The following AP2S1 variants were observed in gnomAD, a reference collection of about 807,000 sequenced individuals.
AP2S1 encodes the protein AP-2 complex subunit sigma.
In AP2S1, 6 loss-of-function variants were observed where a neutral mutation model predicts 21.0. The observed-to-expected ratio is 0.29, with a 90% CI of 0.16 to 0.56. The LOEUF (loss-of-function observed/expected upper bound fraction) is 0.56. Ranked by LOEUF, AP2S1 falls within the 20% of genes least tolerant of loss-of-function variation. AP2S1 has a pLI of 0.92. For missense variants in AP2S1, 60 were observed against 186.2 expected (o/e 0.32, Z 3.95); for synonymous variants, 63 against 74.6 (o/e 0.84, Z 0.80).
chr19:46,850,653 G>A (rs778722220), intron 1 of AP2S1, 111 bp downstream of exon 1: 5 of 1,063,980 alleles, frequency 4.7e-6, no homozygotes, highest in Non-Finnish European at 7.2e-6. Context: ...GCCCGCGCCT[G>A]ACCCAGACCA....
At chr19:46,850,170 A>C (rs1266856733) in intron 1 of AP2S1, 2 of 1,231,950 alleles carry the variant, frequency 1.6e-6, no homozygotes, top group East Asian at 6.3e-5. Flanking sequence ...GCTTTCCCAG[A>C]CCCTTAAGTT....
At chr19:46,839,422 C>T in intron 3 of AP2S1, 43 bp downstream of exon 3, 1 of 1,578,768 alleles carries the variant, frequency 6.3e-7, no homozygotes, top group Non-Finnish European at 8.7e-7. Flanking sequence ...CACTCCAGGG[C>T]TGCCCACCCG....
chr19:46,850,145 C>T, intron 1 of AP2S1: 1 of 1,232,288 alleles, frequency 8.1e-7, no homozygotes, highest in Non-Finnish European at 1.0e-6. Context: ...TCCAGGTCCT[C>T]TCTCCTTTTA....
intron 1 of AP2S1, among the ~76,000 whole-genome samples, chr19:46,849,381 G>C (rs2055694423): frequency 7.6e-6 from 1 of 131,784 alleles, no homozygotes; most frequent in Non-Finnish European, 1.7e-5. Flanking sequence ...ACCGGAACAG[G>C]ATGTTACACT....
intron 2 of AP2S1, among the ~76,000 whole-genome samples, chr19:46,841,818 G>A (rs1391025808): frequency 6.6e-6 from 1 of 152,228 alleles, no homozygotes; most frequent in African/African-American, 2.4e-5. Context: ...CGATAATCCT[G>A]GATGGTTCAG....
rs1374616477 is a variant in AP2S1 at position 46,844,775 on chromosome 19, G to A, written c.153+1218C>T. On this transcript the variant is annotated intron_variant, in intron 2 of 4. Transcript: ENST00000263270. ...TGTTCGTGCCACTGCACTCCCGCCT[G>A]GGTGACAGAATGAGCTCCTGTTTCA... is the stretch of plus-strand genomic sequence containing the variant. Among the ~76,000 whole-genome samples the A allele has an allele frequency of 4.0e-5, 6 of 151,866 alleles. No individual in the cohort carries two copies. In the East Asian group the frequency reaches 1.2e-3, roughly 30 times the overall value.
At position 46,850,843 on chromosome 19, in the gene AP2S1, G is replaced by A; in HGVS notation, c.-77C>T. 2.2e-6 allele frequency: 3 copies of A among 1,385,598 alleles called. No individual in the cohort carries two copies. Among genetic ancestry groups the A allele is most frequent in the Non-Finnish European group, 2.0e-6 (2 of 1,025,114 alleles). The allele number at this position is 1,385,598 out of a possible 1,614,324, so 85.8% of individuals were successfully genotyped here. ...CTCCGGCTCAGGGTGCAGTTGTAGG[G>A]CCCAGAGCTAGAGCGGACTTCCGGT... is the stretch of plus-strand genomic sequence containing the variant. On this transcript the variant is annotated 5_prime_UTR_variant, in exon 1 of 5. Coordinates refer to ENST00000263270, the MANE Select transcript of AP2S1 (RefSeq NM_004069.6).
chr19:46,843,077 C>T (rs1367955711), intron 2 of AP2S1, among the ~76,000 whole-genome samples: 2 of 152,246 alleles, frequency 1.3e-5, no homozygotes, highest in African/African-American at 4.8e-5. Context: ...CCTCCGCCTG[C>T]CCTTCCCATC....
Position 46,838,295 on chromosome 19 carries a change from G to A in AP2S1, c.*152C>T. 2 of 670,000 alleles carry A rather than the reference G, an allele frequency of 3.0e-6. No homozygotes were observed. The highest frequency in any genetic ancestry group is 2.5e-5 in the Admixed American group (1 of 40,242). The allele number at this position is 670,000 out of a possible 1,614,324, so 41.5% of individuals were successfully genotyped here. A position where few individuals can be genotyped will look rare whatever the true frequency, so the allele number is the denominator to read the frequency against. ...ACAGCCAGGGCCCAGAGGCAGTGGG[G>A]TGCAGTCTCCTCCCTTGTGGCCCAG... On this transcript the variant is annotated 3_prime_UTR_variant, in exon 5 of 5. Coordinates refer to ENST00000263270, the MANE Select transcript of AP2S1 (RefSeq NM_004069.6). This position sits in a 1 kb window ranked among gnomAD's most constrained non-coding sequence, Gnocchi z 4.1.
intron 1 of AP2S1, among the ~76,000 whole-genome samples, chr19:46,848,194 C>T (rs539904420): frequency 2.6e-5 from 4 of 151,976 alleles, no homozygotes; most frequent in Non-Finnish European, 4.4e-5. Flanking sequence ...CATGGTGAAA[C>T]CCCATCTGTA....
Position 46,838,588 on chromosome 19 carries a change from A to G in AP2S1, c.328-40T>C, listed in dbSNP as rs767303576. ...ACCCTGGGGTGAGACGAGGCCCCCC[A>G]GGATGCTGGCCCGGACCCTGGAAGC... On this transcript the variant is annotated intron_variant, in intron 4 of 4. Coordinates refer to ENST00000263270, the MANE Select transcript of AP2S1 (RefSeq NM_004069.6). This position sits in a 1 kb window ranked among gnomAD's most constrained non-coding sequence, Gnocchi z 4.1. 1 of 1,609,142 alleles carries G rather than the reference A, an allele frequency of 6.2e-7. No homozygotes were observed. Among genetic ancestry groups the G allele is most frequent in the South Asian group, 1.1e-5 (1 of 90,970 alleles).
Position 46,838,859 on chromosome 19 carries a change from A to G in AP2S1, c.268-60T>C. The G allele has an allele frequency of 6.7e-7, 1 of 1,501,730 alleles. No homozygotes were observed. Among genetic ancestry groups the G allele is most frequent in the Non-Finnish European group, 9.3e-7 (1 of 1,080,464 alleles). The allele number at this position is 1,501,730 out of a possible 1,614,324, so 93.0% of individuals were successfully genotyped here. A position where few individuals can be genotyped will look rare whatever the true frequency, so the allele number is the denominator to read the frequency against. On this transcript the variant is annotated intron_variant, in intron 3 of 4. Transcript: ENST00000263270. The surrounding 1 kb of genome is among the most constrained non-coding windows in gnomAD (Gnocchi z 4.1). ...CAGGGAGAGAGCCACACACGCACAGAGATGGGAACAAGGTCATCAGAAAGA... is the reference window on the plus strand; with the variant it reads ...CAGGGAGAGAGCCACACACGCACAGGGATGGGAACAAGGTCATCAGAAAGA...
chr19:46,846,956 C>T (rs143775168), intron 1 of AP2S1, among the ~76,000 whole-genome samples: 173 of 152,254 alleles, frequency 1.1e-3, no homozygotes, highest in African/African-American at 3.9e-3. Context: ...TGGGCCACCA[C>T]GCCCAGTCAG....
At position 46,845,999 on chromosome 19, in the gene AP2S1, A is replaced by G; in HGVS notation, c.147T>C (p.Phe49=). Residue 49 remains phenylalanine, a synonymous_variant, in exon 2 of 5, where the codon TTT becomes TTC. Transcript: ENST00000263270. ...GGCATGGAGCGGGCGTCACCTCCAC[A>G]AAGTTGGTGTGTTTGGCGTCTCGGA... ...VTVRDAKHTN[F]VEFRNFKIIY... 1.2e-6 allele frequency: 2 copies of G among 1,614,034 alleles called. No homozygotes were observed. The highest frequency in any genetic ancestry group is 1.7e-6 in the Non-Finnish European group (2 of 1,179,996).
intron 1 of AP2S1, among the ~76,000 whole-genome samples, chr19:46,847,533 A>G (rs985945549): frequency 1.3e-5 from 2 of 151,800 alleles, no homozygotes; most frequent in Non-Finnish European, 2.9e-5. Context: ...CCACTATCTA[A>G]TTTATTATCT....
intron 1 of AP2S1, chr19:46,850,298 G>A: frequency 1.6e-6 from 2 of 1,237,176 alleles, no homozygotes; most frequent in Non-Finnish European, 2.0e-6. Context: ...CCTGCAATCA[G>A]ATCCTTGTCT....
At position 46,850,776 on chromosome 19, in the gene AP2S1, C is replaced by T. The variant is rs376875261; in HGVS notation, c.-10G>A. ...GCTCCCCCGTTACCATGGCGACCCC[C>T]GTCCAGACCCCAGCGGCCCCGGTCC... On this transcript the variant is annotated 5_prime_UTR_variant, in exon 1 of 5. Transcript: ENST00000263270. 2.8e-5 allele frequency: 45 copies of T among 1,580,800 alleles called. No individual in the cohort carries two copies. The highest frequency in any genetic ancestry group is 3.5e-5 in the Non-Finnish European group (41 of 1,162,312).
chr19:46,846,648 G>T (rs987131853), intron 1 of AP2S1, among the ~76,000 whole-genome samples: 5 of 151,764 alleles, frequency 3.3e-5, no homozygotes, highest in Admixed American at 6.6e-5. Flanking sequence ...CACCAGGGTG[G>T]TTTTTTCATT....
At chr19:46,848,252 C>T (rs201361298) in intron 1 of AP2S1, among the ~76,000 whole-genome samples, 3 of 151,760 alleles carry the variant, frequency 2.0e-5, no homozygotes, top group Non-Finnish European at 4.4e-5. Flanking sequence ...AGGGGGGAGG[C>T]GGCTATAATC....
Sources: allele counts gnomAD v4.1 joint callset (sites outside exome capture counted in the v4.1 genomes callset), GRCh38; gene constraint gnomAD v4.1.1; non-coding constraint Gnocchi (gnomAD v3.1); transcripts MANE v1.5; gene names NCBI Gene and HGNC (gene_info 2026-07-23, HGNC 2026-07-21).